ATP8B4: variants seen among roughly 807,000 people sequenced by gnomAD.
ATP8B4 encodes probable phospholipid-transporting ATPase IM.
ATP8B4 carries 133 observed loss-of-function variants against 145.6 expected under a neutral mutation model. The observed-to-expected ratio is 0.91, with a 90% confidence interval of 0.79 to 1.05. ATP8B4 has a LOEUF of 1.05. Among genes scored for constraint, ATP8B4 ranks in the 50% least tolerant of loss-of-function variants. ATP8B4 has a pLI of 0.00. For missense variants in ATP8B4, 1,458 were observed against 1,425.2 expected (o/e 1.02, Z -0.37); for synonymous variants, 507 against 492.9 (o/e 1.03, Z -0.38).
intron 6 of ATP8B4, among the ~76,000 whole-genome samples, chr15:50,017,280 T>A (rs1226491768): frequency 6.6e-6 from 1 of 152,272 alleles, no homozygotes; most frequent in South Asian, 2.1e-4. Context: ...CCACCGACTA[T>A]CTAACTATCC....
intron 1 of ATP8B4, among the ~76,000 whole-genome samples, chr15:50,114,092 T>C (rs2057078168): frequency 7.6e-6 from 1 of 132,154 alleles, no homozygotes; most frequent in South Asian, 2.5e-4. Context: ...TCCTTCTTGG[T>C]CTCCTAGTTT....
chr15:49,950,017 A>G (rs1391370477), intron 14 of ATP8B4, among the ~76,000 whole-genome samples: 1 of 152,170 alleles, frequency 6.6e-6, no homozygotes, highest in Non-Finnish European at 1.5e-5. Context: ...AGCTGACTTG[A>G]TCATGGTGGA....
At chr15:50,175,876 A>G (rs1348363518) in intron 1 of ATP8B4, among the ~76,000 whole-genome samples, 1 of 152,162 alleles carries the variant, frequency 6.6e-6, no homozygotes, top group Non-Finnish European at 1.5e-5. Context: ...AGAAGTCATT[A>G]CTCAAAAAAG....
intron 6 of ATP8B4, among the ~76,000 whole-genome samples, chr15:50,027,818 G>A (rs1285138317): frequency 1.3e-5 from 2 of 152,162 alleles, no homozygotes; most frequent in Non-Finnish European, 2.9e-5. Context: ...TAAGTGTAAT[G>A]AAATGTAACA....
chr15:50,006,542 T>C (rs1257044899), intron 7 of ATP8B4, among the ~76,000 whole-genome samples: 3 of 148,392 alleles, frequency 2.0e-5, no homozygotes, highest in African/African-American at 7.5e-5. Flanking sequence ...AAGATAGGTG[T>C]TGAAAAAGAA....
chr15:49,876,774 T>G, intron 24 of ATP8B4: 3 of 637,994 alleles, frequency 4.7e-6, no homozygotes, highest in East Asian at 3.3e-5. Context: ...AGCTCGTAAG[T>G]AGCAGAACCA....
intron 1 of ATP8B4, among the ~76,000 whole-genome samples, chr15:50,169,305 A>G (rs1050196719): frequency 1.3e-5 from 2 of 152,220 alleles, no homozygotes; most frequent in South Asian, 2.1e-4. Context: ...CCACTAGAAC[A>G]GGTGCTGGTA....
chr15:50,055,997 T>G (rs1237168637), intron 3 of ATP8B4, among the ~76,000 whole-genome samples: 1 of 152,038 alleles, frequency 6.6e-6, no homozygotes, highest in East Asian at 1.9e-4. Flanking sequence ...ATAGGGGCAA[T>G]GGAAAGACGA....
At chr15:49,862,024 C>A (rs1457234637) in intron 27 of ATP8B4, among the ~76,000 whole-genome samples, 7 of 152,166 alleles carry the variant, frequency 4.6e-5, no homozygotes, top group Admixed American at 3.9e-4. Flanking sequence ...TTTATGACTC[C>A]CCATCCACAT....
At chr15:50,112,721 G>A (rs907180149) in intron 1 of ATP8B4, among the ~76,000 whole-genome samples, 7 of 152,066 alleles carry the variant, frequency 4.6e-5, no homozygotes, top group Non-Finnish European at 1.0e-4. Context: ...CAAGCTGTGT[G>A]AGGTTAAGTA....
intron 14 of ATP8B4, among the ~76,000 whole-genome samples, chr15:49,943,893 T>G (rs1487488700): frequency 1.3e-5 from 2 of 152,210 alleles, no homozygotes; most frequent in East Asian, 3.8e-4. Flanking sequence ...CCAAACTATT[T>G]AAAATAACTG....
chr15:50,110,999 GC>G (rs2056912746), intron 1 of ATP8B4, among the ~76,000 whole-genome samples: 1 of 152,054 alleles, frequency 6.6e-6, no homozygotes, highest in Non-Finnish European at 1.5e-5. Context: ...AAAAGAAGAT[GC>G]CAGTTTGTAC....
chr15:50,126,035 A>G (rs919790551), intron 1 of ATP8B4, among the ~76,000 whole-genome samples: 1 of 152,186 alleles, frequency 6.6e-6, no homozygotes, highest in East Asian at 1.9e-4. Context: ...AATAGTTGTG[A>G]ACAAATTGTG....
At chr15:50,108,455 C>A (rs2056790713) in intron 1 of ATP8B4, among the ~76,000 whole-genome samples, 1 of 152,182 alleles carries the variant, frequency 6.6e-6, no homozygotes, top group African/African-American at 2.4e-5. Context: ...CCTTCTGCGA[C>A]TTGATCCCTG....
At chr15:50,138,858 A>T (rs1390673163) in intron 1 of ATP8B4, among the ~76,000 whole-genome samples, 2 of 152,158 alleles carry the variant, frequency 1.3e-5, no homozygotes, top group Non-Finnish European at 2.9e-5. Context: ...TTTTATTTCC[A>T]AAGTCAAAGT....
chr15:50,172,837 C>T (rs1417780653), intron 1 of ATP8B4, among the ~76,000 whole-genome samples: 1 of 151,890 alleles, frequency 6.6e-6, no homozygotes, highest in Non-Finnish European at 1.5e-5. Flanking sequence ...CCGCCACCAC[C>T]CCGTCTGGGA....
chr15:50,017,046 T>A (rs1034098277), intron 6 of ATP8B4, among the ~76,000 whole-genome samples: 1 of 152,222 alleles, frequency 6.6e-6, no homozygotes, highest in Non-Finnish European at 1.5e-5. Context: ...TATTCCTTTT[T>A]TAATTCTAAG....
intron 6 of ATP8B4, among the ~76,000 whole-genome samples, chr15:50,027,574 T>C (rs1211995880): frequency 6.6e-6 from 1 of 152,246 alleles, no homozygotes; most frequent in East Asian, 1.9e-4. Flanking sequence ...GCTGTTTGTG[T>C]GCTCTCCTCC....
chr15:50,074,148 A>G lies in ATP8B4; in HGVS notation c.66T>C (p.Tyr22=). ...ERIVKANDRE[Y]NEKFQYADNR... ...TTACCGCATACTGGAACTTTTCATT[A>G]TATTCACGGTCATTGGCTTTCACTA... The change falls in exon 3 of 28, where the codon TAT becomes TAC. Residue 22 remains tyrosine, a synonymous_variant. Coordinates refer to ENST00000284509, the MANE Select transcript of ATP8B4 (RefSeq NM_024837.4). 1 of 1,613,238 alleles carries G rather than the reference A, an allele frequency of 6.2e-7. No individual in the cohort carries two copies. The highest frequency in any genetic ancestry group is 1.1e-5 in the South Asian group (1 of 91,000).
Sources: gnomAD v4.1 joint callset for allele counts (sites outside exome capture counted in the v4.1 genomes callset) on GRCh38, gnomAD v4.1.1 for gene constraint, MANE v1.5 for transcripts, NCBI Gene and HGNC (gene_info 2026-07-23, HGNC 2026-07-21) for gene names.